Variants in SKIC3 observed in about 807,000 individuals in gnomAD.
SKIC3 encodes the protein SKI3 subunit of superkiller complex.
At chr5:95,503,986 T>C in the SKIC3 span, 1 of 1,592,944 alleles carries the variant, frequency 6.3e-7, no homozygotes, top group Non-Finnish European at 8.6e-7. Flanking sequence ...GTAATTCTGG[T>C]GTGTATCATC....
At chr5:95,504,453 C>T in the SKIC3 span, among the ~76,000 whole-genome samples, 1 of 151,730 alleles carries the variant, frequency 6.6e-6, no homozygotes, top group Non-Finnish European at 1.5e-5. Context: ...TAATTAAAAT[C>T]CCAAATTATA....
the SKIC3 span, among the ~76,000 whole-genome samples, chr5:95,518,757 G>A: frequency 6.6e-6 from 1 of 151,988 alleles, no homozygotes; most frequent in Non-Finnish European, 1.5e-5. Flanking sequence ...TGTGAATAGT[G>A]CTGCAATAAA....
the SKIC3 span, chr5:95,503,736 T>G: frequency 6.3e-7 from 1 of 1,596,834 alleles, no homozygotes; most frequent in African/African-American, 1.3e-5. Context: ...ATCTCATTAT[T>G]ACATCTTTCT....
At chr5:95,484,722 A>G in the SKIC3 span, 1 of 1,614,094 alleles carries the variant, frequency 6.2e-7, no homozygotes, top group East Asian at 2.2e-5. Flanking sequence ...TCCATAAAAT[A>G]CCTTTGTGCA....
the SKIC3 span, among the ~76,000 whole-genome samples, chr5:95,544,997 T>G: frequency 6.6e-6 from 1 of 152,220 alleles, no homozygotes; most frequent in Non-Finnish European, 1.5e-5. Context: ...TCAACCAATA[T>G]TCTGGGTTAC....
chr5:95,506,859 A>G, the SKIC3 span: 145 of 1,405,914 alleles, frequency 1.0e-4, no homozygotes, highest in Admixed American at 2.2e-4. Flanking sequence ...ACTAGTCAGC[A>G]TATCAGCAGT....
the SKIC3 span, chr5:95,528,040 T>C: frequency 6.2e-7 from 1 of 1,613,758 alleles, no homozygotes; most frequent in Non-Finnish European, 8.5e-7. Flanking sequence ...TTGCTTCCTC[T>C]GAAGAGTCAT....
At chr5:95,512,586 G>C in the SKIC3 span, 22 of 1,613,802 alleles carry the variant, frequency 1.4e-5, no homozygotes, top group Non-Finnish European at 1.8e-5. Flanking sequence ...ATGTTGTGCA[G>C]ACCCAATACG....
At chr5:95,492,674 A>AAAAAAAAAAAAAAAAAAAG in the SKIC3 span, among the ~76,000 whole-genome samples, 5 of 141,044 alleles carry the variant, frequency 3.5e-5, no homozygotes, top group Non-Finnish European at 7.7e-5. Flanking sequence ...AAAAAAAAAA[A>AAAAAAAAAAAAAAAAAAAG]AAAAAAAAAA....
At chr5:95,498,227 G>C in the SKIC3 span, 1 of 763,730 alleles carries the variant, frequency 1.3e-6, no homozygotes, top group Non-Finnish European at 2.2e-6. Flanking sequence ...CAGTTACCTG[G>C]TCCTGTGTAA....
At chr5:95,540,367 G>GA in the SKIC3 span, among the ~76,000 whole-genome samples, 1 of 151,940 alleles carries the variant, frequency 6.6e-6, no homozygotes, top group Non-Finnish European at 1.5e-5. Context: ...CTACTCGGGT[G>GA]ATGGGTGCAC....
At chr5:95,483,219 G>A in the SKIC3 span, among the ~76,000 whole-genome samples, 4 of 151,922 alleles carry the variant, frequency 2.6e-5, no homozygotes, top group Non-Finnish European at 5.9e-5. Context: ...TATATTCTCT[G>A]TATGTGTATA....
the SKIC3 span, among the ~76,000 whole-genome samples, chr5:95,485,081 A>G: frequency 5.3e-5 from 8 of 152,222 alleles, no homozygotes; most frequent in Admixed American, 2.6e-4. Flanking sequence ...TGACTTCTAA[A>G]GAAAAATAAA....
chr5:95,549,691 A>G, the SKIC3 span, among the ~76,000 whole-genome samples: 1 of 152,028 alleles, frequency 6.6e-6, no homozygotes, highest in Admixed American at 6.6e-5. Context: ...TAATTTGTAA[A>G]AAGACAAAAT....
the SKIC3 span, chr5:95,469,866 A>G: frequency 1.9e-6 from 3 of 1,614,206 alleles, no homozygotes; most frequent in Non-Finnish European, 2.5e-6. Flanking sequence ...CCTCAGTTGT[A>G]GCCTCTTGAA....
the SKIC3 span, chr5:95,541,476 A>G: frequency 8.5e-7 from 1 of 1,173,430 alleles, no homozygotes; most frequent in Middle Eastern, 1.9e-4. Context: ...AAGTATTCCA[A>G]TAATAATTTC....
At chr5:95,484,340 CTT>C in the SKIC3 span, among the ~76,000 whole-genome samples, 70 of 119,912 alleles carry the variant, frequency 5.8e-4, no homozygotes, top group East Asian at 2.2e-3. Flanking sequence ...ATGCATTCCT[CTT>C]TTTTTTTTTT....
the SKIC3 span, among the ~76,000 whole-genome samples, chr5:95,539,931 T>C: frequency 6.6e-6 from 1 of 151,524 alleles, no homozygotes; most frequent in African/African-American, 2.4e-5. Flanking sequence ...AAAGAAGTCA[T>C]TATACAAAAA....
chr5:95,541,339 A>G, the SKIC3 span: 1 of 1,613,866 alleles, frequency 6.2e-7, no homozygotes, highest in Non-Finnish European at 8.5e-7. Flanking sequence ...ATATAGATCC[A>G]CAAGTTTCTT....
Sources: allele counts gnomAD v4.1 joint callset (sites outside exome capture counted in the v4.1 genomes callset), GRCh38; gene constraint gnomAD v4.1.1; transcripts MANE v1.5; gene names NCBI Gene and HGNC (gene_info 2026-07-23, HGNC 2026-07-21).